Variants in EML4 observed in about 807,000 individuals in gnomAD.
The protein encoded by EML4 is echinoderm microtubule-associated protein-like 4.
EML4 carries 72 observed loss-of-function variants against 129.0 expected under a neutral mutation model. That is an observed-to-expected ratio of 0.56 (90% confidence interval 0.46 to 0.68). EML4 has a LOEUF of 0.68. Among genes scored for constraint, EML4 ranks in the 30% least tolerant of loss-of-function variants. The pLI, the probability that EML4 is intolerant of heterozygous loss-of-function variation, is 0.00. For synonymous variants in EML4, 532 were observed against 405.0 expected (o/e 1.31, Z -3.77); for missense variants, 1,363 against 1,190.6 (o/e 1.14, Z -2.13).
chr2:42,199,550 C>G (rs1201628993), intron 1 of EML4, among the ~76,000 whole-genome samples: 1 of 152,114 alleles, frequency 6.6e-6, no homozygotes, highest in Admixed American at 6.5e-5. Context: ...TGTTATCTCC[C>G]TGTTTTCTGT....
intron 17 of EML4, among the ~76,000 whole-genome samples, chr2:42,309,932 C>G (rs1032424096): frequency 6.6e-6 from 1 of 152,102 alleles, no homozygotes; most frequent in Non-Finnish European, 1.5e-5. Flanking sequence ...ATATTTACTT[C>G]TATGTTTTCT....
intron 2 of EML4, among the ~76,000 whole-genome samples, chr2:42,247,281 A>G (rs947064961): frequency 6.6e-6 from 1 of 152,184 alleles, no homozygotes; most frequent in Non-Finnish European, 1.5e-5. Flanking sequence ...GATAACCTTT[A>G]GGTGCAAAGA....
intron 1 of EML4, among the ~76,000 whole-genome samples, chr2:42,225,752 C>T (rs1199212955): frequency 6.6e-6 from 1 of 152,038 alleles, no homozygotes; most frequent in Non-Finnish European, 1.5e-5. Context: ...GTCTTTTTTG[C>T]ATTTTTCTAT....
chr2:42,264,289 G>A (rs1210819328), intron 5 of EML4, among the ~76,000 whole-genome samples: 2 of 151,538 alleles, frequency 1.3e-5, no homozygotes, highest in East Asian at 3.9e-4. Context: ...TAATGTTTTT[G>A]TATTTTTTTG....
At chr2:42,228,389 T>C (rs940840941) in intron 1 of EML4, among the ~76,000 whole-genome samples, 4 of 152,192 alleles carry the variant, frequency 2.6e-5, no homozygotes, top group African/African-American at 9.7e-5. Flanking sequence ...TGATATAGCT[T>C]GTGGTTGATT....
At position 42,253,388 on chromosome 2, in the gene EML4, A is replaced by G. The variant is rs1675903854; in HGVS notation, c.209-3113A>G. On this transcript the variant is annotated intron_variant, in intron 2 of 22. Transcript: ENST00000318522. Reference sequence around the variant, plus strand: ...TTTAACATCTCTGAAATTACGATGCATATTACAATTGATAGTGTCTTACAG... The same window carrying G: ...TTTAACATCTCTGAAATTACGATGCGTATTACAATTGATAGTGTCTTACAG... Among the ~76,000 whole-genome samples, 7 of 152,346 alleles carry G rather than the reference A, an allele frequency of 4.6e-5. No homozygotes were observed. The South Asian group carries it at 1.4e-3, about 32-fold the overall frequency.
intron 1 of EML4, chr2:42,169,843 C>G (rs996327920): frequency 2.1e-6 from 1 of 471,792 alleles, no homozygotes; most frequent in Non-Finnish European, 3.7e-6. Context: ...GTGTCAGACC[C>G]TCCTTTCCTC....
chr2:42,327,765 T>C (rs567672310), intron 21 of EML4, among the ~76,000 whole-genome samples: 1 of 152,354 alleles, frequency 6.6e-6, no homozygotes, highest in African/African-American at 2.4e-5. Flanking sequence ...AGAAGTGTTA[T>C]GCTCAGGTAA....
In EML4 at chr2:42,329,783, G is replaced by T. The variant is rs1351661535; in HGVS notation, c.2522G>T (p.Ser841Ile). The change falls in exon 23 of 23, where the codon AGT (serine) becomes ATT (isoleucine). Residue 841 changes from serine (S) to isoleucine (I), a missense_variant. Ser to Ile is a moderately radical substitution (Grantham distance 142). Transcript: ENST00000318522. ...SAHSSHVTNV[S>I]FTHNDSHLIS... ...CACAGCAGCCATGTCACCAATGTCA[G>T]TTTTACTCACAATGACAGTCACCTG... The T allele has an allele frequency of 2.5e-6, 4 of 1,614,130 alleles. No homozygotes were observed. The Admixed American group carries it at 6.7e-5, about 27-fold the overall frequency.
intron 13 of EML4, among the ~76,000 whole-genome samples, chr2:42,297,065 A>G (rs1162757881): frequency 9.9e-5 from 15 of 152,198 alleles, no homozygotes; most frequent in Admixed American, 9.8e-4. Flanking sequence ...ATTGACTCCT[A>G]TCTCAATCAT....
chr2:42,300,616 C>A (rs937894900), intron 13 of EML4, among the ~76,000 whole-genome samples: 4 of 152,172 alleles, frequency 2.6e-5, no homozygotes, highest in Non-Finnish European at 5.9e-5. Context: ...ACCTTTGTCC[C>A]AATAACTTCT....
intron 8 of EML4, among the ~76,000 whole-genome samples, chr2:42,284,220 C>T (rs1667167668): frequency 6.6e-6 from 1 of 152,170 alleles, no homozygotes; most frequent in Admixed American, 6.5e-5. Flanking sequence ...GTTGTCAAGT[C>T]AGCATGTATG....
At chr2:42,213,255 C>T (rs775890789) in intron 1 of EML4, among the ~76,000 whole-genome samples, 6 of 152,180 alleles carry the variant, frequency 3.9e-5, no homozygotes, top group Non-Finnish European at 5.9e-5. Flanking sequence ...CTGGTCACTA[C>T]TACTCCCCCT....
intron 11 of EML4, among the ~76,000 whole-genome samples, chr2:42,293,509 A>AG (rs1009587226): frequency 6.6e-6 from 1 of 152,324 alleles, no homozygotes; most frequent in African/African-American, 2.4e-5. Flanking sequence ...TGGAACTGTG[A>AG]GGGAAAAAAA....
chr2:42,310,796 A>G (rs1376553945), intron 17 of EML4, among the ~76,000 whole-genome samples: 7 of 151,790 alleles, frequency 4.6e-5, no homozygotes, highest in African/African-American at 1.7e-4. Flanking sequence ...CTTAAAAAAC[A>G]TTTTTTTTTA....
chr2:42,212,769 C>G (rs948469731), intron 1 of EML4, among the ~76,000 whole-genome samples: 8 of 152,106 alleles, frequency 5.3e-5, no homozygotes, highest in African/African-American at 1.9e-4. Flanking sequence ...CACCACAGTA[C>G]CATTTATTGG....
chr2:42,264,293 T>G (rs1665930575), intron 5 of EML4, among the ~76,000 whole-genome samples: 1 of 151,962 alleles, frequency 6.6e-6, no homozygotes, highest in South Asian at 2.1e-4. Flanking sequence ...GTTTTTGTAT[T>G]TTTTTGTAAA....
At chr2:42,278,095 T>C (rs1203924561) in intron 6 of EML4, among the ~76,000 whole-genome samples, 1 of 152,194 alleles carries the variant, frequency 6.6e-6, no homozygotes, top group African/African-American at 2.4e-5. Flanking sequence ...GCCAGACAAG[T>C]TGGCAAGTGC....
intron 1 of EML4, among the ~76,000 whole-genome samples, chr2:42,177,135 T>C (rs1245678096): frequency 6.6e-6 from 1 of 152,172 alleles, no homozygotes; most frequent in Admixed American, 6.5e-5. Flanking sequence ...TATTGAAGGC[T>C]GAAACTCTCA....
Sources: allele counts gnomAD v4.1 joint callset (sites outside exome capture counted in the v4.1 genomes callset), GRCh38; gene constraint gnomAD v4.1.1; transcripts MANE v1.5; gene names NCBI Gene and HGNC (gene_info 2026-07-23, HGNC 2026-07-21).